RAB36: variants seen among roughly 807,000 people sequenced by gnomAD.
RAB36 encodes RAB36, member RAS oncogene family.
RAB36 carries 33 observed loss-of-function variants against 39.3 expected under a neutral mutation model. The observed-to-expected ratio is 0.84, with a 90% CI of 0.64 to 1.12. The LOEUF is 1.12. RAB36 is among the 50% of genes most tolerant of loss of function. RAB36 has a pLI of 0.00. For synonymous variants in RAB36, 133 were observed against 140.2 expected, an observed-to-expected ratio of 0.95 and a Z score of 0.36; for missense variants, 308 against 355.3, an observed-to-expected ratio of 0.87 and a Z score of 1.07.
At chr22:23,153,855 AT>A (rs1185257322) in intron 5 of RAB36, among the ~76,000 whole-genome samples, 1 of 151,598 alleles carries the variant, frequency 6.6e-6, no homozygotes, top group African/African-American at 2.4e-5. Context: ...CAGCTAATTT[AT>A]TTTTGTATTT....
chr22:23,148,728 A>G (rs1226554593), intron 2 of RAB36, among the ~76,000 whole-genome samples: 1 of 152,192 alleles, frequency 6.6e-6, no homozygotes, highest in Non-Finnish European at 1.5e-5. Context: ...TGTCTCTGAA[A>G]TCAGCTCACA....
In RAB36 at chr22:23,153,109, G is replaced by A. The variant is rs145938963; in HGVS notation, c.304G>A (p.Ala102Thr). Residue 102 changes from alanine to threonine, a missense_variant, in exon 5 of 11, where the codon GCT (alanine) becomes ACT (threonine). Physicochemically the swap from Ala to Thr is moderately conservative, Grantham distance 58. Coordinates refer to ENST00000263116, the MANE Select transcript of RAB36 (RefSeq NM_004914.5). The stretch of plus-strand genomic sequence containing the variant: ...CTTTGAAATTGAGCGCTTTGAGATT[G>A]CTGGGATTCCCTATAGCCTCCAGAT... ...VDFEIERFEIAGIPYSLQIWD... is the reference protein window; with the variant it reads ...VDFEIERFEITGIPYSLQIWD... The A allele has an allele frequency of 1.1e-5, 17 of 1,613,982 alleles. No individual in the cohort carries two copies. The highest frequency in any genetic ancestry group is 2.7e-5 in the African/African-American group (2 of 74,920).
chr22:23,150,826 GC>G (rs1036060816), intron 3 of RAB36, among the ~76,000 whole-genome samples: 2 of 151,912 alleles, frequency 1.3e-5, no homozygotes, highest in African/African-American at 4.8e-5. Context: ...CACTACCCTT[GC>G]CCCTGGACTG....
intron 5 of RAB36, among the ~76,000 whole-genome samples, chr22:23,154,899 G>A (rs1191786040): frequency 6.6e-6 from 1 of 152,200 alleles, no homozygotes; most frequent in African/African-American, 2.4e-5. Context: ...GCCAGGGCGG[G>A]TGGATCACCT....
chr22:23,155,578 C>T (rs2071403723), intron 5 of RAB36, among the ~76,000 whole-genome samples: 1 of 152,218 alleles, frequency 6.6e-6, no homozygotes, highest in South Asian at 2.1e-4. Context: ...CTGGAGGCCC[C>T]GCCTGGAGCC....
rs570843122 is a variant in RAB36, at chr22:23,155,785, T to A, written c.330-183T>A. 2.6e-5 allele frequency among the ~76,000 whole-genome samples: 4 copies of A among 152,258 alleles called. No individual in the cohort carries two copies. The South Asian group carries it at 6.2e-4, about 24-fold the overall frequency. ...TGAGAGAAGTCCACTGGGGGCACCC[T>A]AGGAAGAGATCATAAGGAGCTGGGG... On this transcript the variant is annotated intron_variant, in intron 5 of 10. Coordinates refer to ENST00000263116, the MANE Select transcript of RAB36 (RefSeq NM_004914.5).
rs954454179 is a variant in RAB36 at position 23,152,528 on chromosome 22, T to C, written c.227+2T>C. 3 of 1,614,042 alleles carry C rather than the reference T, an allele frequency of 1.9e-6. No homozygotes were observed. The highest frequency in any genetic ancestry group is 1.7e-5 in the Admixed American group (1 of 60,022). The stretch of plus-strand genomic sequence containing the variant: ...GGGGAAGACCAGCCTCATCCACAGG[T>C]ACAAGGCTTCCTCTGCCCCTTTGGC... On this transcript the variant is annotated splice_donor_variant, in intron 4 of 10. Transcript: ENST00000263116. LOFTEE classifies it high-confidence loss of function.
rs1000422446 is a variant in RAB36 at position 23,152,486 on chromosome 22, G to T, written c.187G>T (p.Val63Phe). 3 of 1,614,088 alleles carry T rather than the reference G, an allele frequency of 1.9e-6. No individual in the cohort carries two copies. The highest frequency in any genetic ancestry group is 2.2e-5 in the East Asian group (1 of 44,888). The change falls in exon 4 of 11, where the codon GTT (valine) becomes TTT (phenylalanine). Residue 63 changes from valine (V) to phenylalanine (F), a missense_variant. Coordinates refer to ENST00000263116, the MANE Select transcript of RAB36 (RefSeq NM_004914.5). ...GCTCAAACTCTCCAAGGTGGTGGTGGTTGGCGATCTCTACGTGGGGAAGAC... is the reference window on the plus strand; with the variant it reads ...GCTCAAACTCTCCAAGGTGGTGGTGTTTGGCGATCTCTACGTGGGGAAGAC... ...VGLKLSKVVV[V>F]GDLYVGKTSL...
chr22:23,157,939 C>T (rs1279029120), intron 6 of RAB36, 53 bp from the exon 7 acceptor site: 6 of 1,611,496 alleles, frequency 3.7e-6, no homozygotes, highest in Middle Eastern at 1.7e-4. Flanking sequence ...GGGGAGCCCC[C>T]TTGCTCGCCT....
At chr22:23,151,151 G>T (rs1434222513) in intron 3 of RAB36, among the ~76,000 whole-genome samples, 1 of 152,250 alleles carries the variant, frequency 6.6e-6, no homozygotes, top group East Asian at 1.9e-4. Flanking sequence ...TTCCCAAACT[G>T]CACAGAGTGG....
intron 5 of RAB36, among the ~76,000 whole-genome samples, chr22:23,155,402 C>G (rs2071397013): frequency 6.6e-6 from 1 of 152,190 alleles, no homozygotes; most frequent in Non-Finnish European, 1.5e-5. Flanking sequence ...GGCTTTGCTT[C>G]TAATTTCTTC....
intron 9 of RAB36, among the ~76,000 whole-genome samples, 199 bp from the exon 10 acceptor site, chr22:23,160,680 A>G (rs541857598): frequency 6.6e-6 from 1 of 152,232 alleles, no homozygotes; most frequent in Admixed American, 6.5e-5. Flanking sequence ...AGGCCAGGCC[A>G]GTGGACCCTG....
chr22:23,164,349 C>A lies in RAB36; in HGVS notation c.*2785C>A, dbSNP rs953019824. 7.2e-5 allele frequency: 11 copies of A among 152,278 alleles called. No individual in the cohort carries two copies. Among genetic ancestry groups the A allele is most frequent in the African/African-American group, 2.7e-4 (11 of 41,452 alleles). The allele number at this position is 152,278 out of a possible 1,614,324, so 9.4% of individuals were successfully genotyped here. A position where few individuals can be genotyped will look rare whatever the true frequency, so the allele number is the denominator to read the frequency against. On this transcript the variant is annotated 3_prime_UTR_variant, in exon 11 of 11. Transcript: ENST00000263116. ...TGATTAAATCGTCCTCATATTACCT[C>A]CTGCAATGTGCCAGCTGATTCCCAC...
Position 23,163,500 on chromosome 22 carries a change from T to C in RAB36, c.*1936T>C, listed in dbSNP as rs1569223515. The C allele has an allele frequency of 6.6e-6, 1 of 152,344 alleles. No homozygotes were observed. The highest frequency in any genetic ancestry group is 1.5e-5 in the Non-Finnish European group (1 of 68,210). 9.4% of individuals were successfully genotyped at this position (152,344 alleles called of 1,614,324 possible). A position where few individuals can be genotyped will look rare whatever the true frequency, so the allele number is the denominator to read the frequency against. ...GCCTCGGCCTCCCAAAGTGCTGGGA[T>C]TACAGGCCTGAGCCACCGCGTCCGG... On this transcript the variant is annotated 3_prime_UTR_variant, in exon 11 of 11. Coordinates refer to ENST00000263116, the MANE Select transcript of RAB36 (RefSeq NM_004914.5).
intron 9 of RAB36, among the ~76,000 whole-genome samples, chr22:23,159,792 C>G (rs570912395): frequency 7.9e-5 from 12 of 152,168 alleles, no homozygotes; most frequent in South Asian, 2.1e-4. Context: ...GACCCCAGCT[C>G]TCACTGAACT....
At position 23,152,514 on chromosome 22, in the gene RAB36, GC is replaced by G. The variant is rs770939769; in HGVS notation, c.217del (p.Leu73SerfsTer60). 6.2e-7 allele frequency: 1 copy of G among 1,614,162 alleles called. No individual in the cohort carries two copies. Among genetic ancestry groups the G allele is most frequent in the East Asian group, 2.2e-5 (1 of 44,870 alleles). ...GGCGATCTCTACGTGGGGAAGACCA[GC>G]CTCATCCACAGGTACAAGGCTTCCT... ...VVGDLYVGKT[S>X]LIHRFCKNVF... On this transcript the variant is annotated frameshift_variant, in exon 4 of 11. Coordinates refer to ENST00000263116, the MANE Select transcript of RAB36 (RefSeq NM_004914.5). LOFTEE classifies it high-confidence loss of function.
At chr22:23,169,207 T>G (rs73388541), downstream of RAB36, among the ~76,000 whole-genome samples, 443 of 152,336 alleles carry the variant, frequency 2.9e-3, 3 homozygotes, top group African/African-American at 9.0e-3. Context: ...CGTTTCTCAC[T>G]GGACAAAGAT....
chr22:23,161,084 G>A, intron 10 of RAB36, 86 bp downstream of exon 10: 1 of 1,460,898 alleles, frequency 6.8e-7, no homozygotes. Context: ...CTGAGGCCTT[G>A]CCATTTCCTG....
At chr22:23,150,257 G>A (rs1046428060) in intron 3 of RAB36, 103 bp downstream of exon 3, 9 of 951,800 alleles carry the variant, frequency 9.5e-6, no homozygotes, top group Non-Finnish European at 1.5e-5. Context: ...CGAGGCTGGT[G>A]CAGCCCTGTA....
Sources: gnomAD v4.1 joint callset for allele counts (sites outside exome capture counted in the v4.1 genomes callset) on GRCh38, gnomAD v4.1.1 for gene constraint, MANE v1.5 for transcripts, NCBI Gene and HGNC (gene_info 2026-07-23, HGNC 2026-07-21) for gene names.